Variants in RDH13 observed in about 807,000 individuals in gnomAD.
RDH13 encodes retinol dehydrogenase 13, also known as retinol dehydrogenase 13 (all-trans and 9-cis).
A neutral mutation model predicts 28.3 loss-of-function variants in RDH13; 35 were observed. That is an observed-to-expected ratio of 1.24 (90% CI 0.95 to 1.64). The LOEUF (loss-of-function observed/expected upper bound fraction) is 1.64, where lower values mean the gene tolerates loss of function less well. RDH13 is among the 40% of genes most tolerant of loss of function. RDH13 has a pLI of 0.00. For missense variants in RDH13, 514 were observed against 446.3 expected, an observed-to-expected ratio of 1.15 and a Z score of -1.37; for synonymous variants, 229 against 198.5, an observed-to-expected ratio of 1.15 and a Z score of -1.29.
chr19:55,062,466 G>A (rs529958762), intron 1 of RDH13, among the ~76,000 whole-genome samples: 1 of 152,280 alleles, frequency 6.6e-6, no homozygotes, highest in South Asian at 2.1e-4. Context: ...CGGATCACCT[G>A]AGGGCAGGTG....
At chr19:55,060,205 C>T (rs969029692) in intron 1 of RDH13, among the ~76,000 whole-genome samples, 4 of 142,916 alleles carry the variant, frequency 2.8e-5, no homozygotes, top group African/African-American at 1.0e-4. Flanking sequence ...TCCTGCCTGA[C>T]CCTGGGAACT....
chr19:55,041,567 A>G (rs1041328071), downstream of RDH13: 4 of 152,238 alleles, frequency 2.6e-5, no homozygotes, highest in Non-Finnish European at 4.4e-5. Flanking sequence ...CTTCTCTCTT[A>G]TGGAGGCTCC....
At chr19:55,059,625 C>A (rs1342888627) in intron 1 of RDH13, among the ~76,000 whole-genome samples, 1 of 152,068 alleles carries the variant, frequency 6.6e-6, no homozygotes, top group Non-Finnish European at 1.5e-5. Context: ...GTCAGGAGTT[C>A]GAGTCCAGCC....
At chr19:55,052,056 G>A (rs1235134788) in intron 3 of RDH13, among the ~76,000 whole-genome samples, 1 of 138,576 alleles carries the variant, frequency 7.2e-6, no homozygotes, top group Non-Finnish European at 1.5e-5. Flanking sequence ...TCTGGGAACT[G>A]CCTCAACTTT....
intron 1 of RDH13, among the ~76,000 whole-genome samples, chr19:55,068,220 C>T (rs2075994533): frequency 6.6e-6 from 1 of 152,000 alleles, no homozygotes; most frequent in Non-Finnish European, 1.5e-5. Flanking sequence ...TCTTGAGAGA[C>T]CTCAGCAGTG....
chr19:55,058,930 T>C (rs144491427), intron 2 of RDH13, among the ~76,000 whole-genome samples: 1,546 of 152,340 alleles, frequency 0.01, 46 homozygotes, highest in African/African-American at 0.035. Flanking sequence ...CCGCCAGCTT[T>C]GGCCTCCCAA....
chr19:55,053,126 G>A (rs1278673816), intron 3 of RDH13, among the ~76,000 whole-genome samples: 2 of 148,768 alleles, frequency 1.3e-5, no homozygotes, highest in Admixed American at 1.3e-4. Context: ...CTTTGTCAGA[G>A]TGTCATCTCA....
chr19:55,055,554 A>G (rs1307654292), intron 3 of RDH13, among the ~76,000 whole-genome samples: 5 of 151,878 alleles, frequency 3.3e-5, no homozygotes, highest in Non-Finnish European at 5.9e-5. Flanking sequence ...TAAATGCTTA[A>G]TAAGGTCAGG....
At chr19:55,044,215 T>C (rs1207754940), downstream of RDH13, 1 of 152,250 alleles carries the variant, frequency 6.6e-6, no homozygotes, top group African/African-American at 2.4e-5. Flanking sequence ...GGTGATAAAC[T>C]GATGCCTTGT....
At chr19:55,064,069 ATCT>A (rs2147083824), upstream of RDH13, 1 of 152,314 alleles carries the variant, frequency 6.6e-6, no homozygotes, top group African/African-American at 2.4e-5. Context: ...ATGAACTGTC[ATCT>A]TCTTATATGA....
rs887723699 is a variant in RDH13 at position 55,063,142 on chromosome 19, G to A, written c.-110C>T. 30 of 1,081,912 alleles carry A rather than the reference G, an allele frequency of 2.8e-5. No individual in the cohort carries two copies. Among genetic ancestry groups the A allele is most frequent in the Non-Finnish European group, 3.5e-5 (29 of 832,426 alleles). The allele number at this position is 1,081,912 out of a possible 1,614,324, so 67.0% of individuals were successfully genotyped here. A position where few individuals can be genotyped will look rare whatever the true frequency, so the allele number is the denominator to read the frequency against. On this transcript the variant is annotated 5_prime_UTR_variant, in exon 1 of 7. Coordinates refer to ENST00000415061, the MANE Select transcript of RDH13 (RefSeq NM_001145971.2). ...CGCGCGACGCAGCCACAGGCGAGCGGAGGCGCAGGCGCGGCTGGGCCCGCG... is the reference window on the plus strand; with the variant it reads ...CGCGCGACGCAGCCACAGGCGAGCGAAGGCGCAGGCGCGGCTGGGCCCGCG...
intron 5 of RDH13, 188 bp downstream of exon 5, chr19:55,048,141 C>T (rs1203075989): frequency 6.5e-7 from 1 of 1,533,474 alleles, no homozygotes; most frequent in African/African-American, 1.4e-5. Flanking sequence ...ACAGACAATC[C>T]TCAGAAGAAC....
At chr19:55,047,141 G>A in intron 6 of RDH13, 1 of 1,400,904 alleles carries the variant, frequency 7.1e-7, no homozygotes, top group South Asian at 1.6e-5. Flanking sequence ...CAGCTCCACG[G>A]CCTCTTCCTC....
At chr19:55,055,834 CAG>C (rs2075613767) in intron 3 of RDH13, among the ~76,000 whole-genome samples, 1 of 151,948 alleles carries the variant, frequency 6.6e-6, no homozygotes, top group African/African-American at 2.4e-5. Context: ...GCCTGGGTGA[CAG>C]AGATGGATCC....
At chr19:55,066,208 C>T (rs559025578), upstream of RDH13, among the ~76,000 whole-genome samples, 1 of 152,324 alleles carries the variant, frequency 6.6e-6, no homozygotes, top group South Asian at 2.1e-4. Context: ...TCTGTTTGGA[C>T]TCCAGGTGGG....
chr19:55,063,799 T>G (rs2075886754), upstream of RDH13: 1 of 152,924 alleles, frequency 6.5e-6, no homozygotes, highest in African/African-American at 2.4e-5. Context: ...CACAGAGATA[T>G]CTTCCCTGAA....
At chr19:55,056,967 CTG>C (rs1236357273) in intron 2 of RDH13, among the ~76,000 whole-genome samples, 159 bp from the exon 3 acceptor site, 1 of 152,192 alleles carries the variant, frequency 6.6e-6, no homozygotes, top group African/African-American at 2.4e-5. Flanking sequence ...AAATGCCCAT[CTG>C]TGGATGAAGG....
intron 6 of RDH13, 64 bp downstream of exon 6, chr19:55,047,323 C>T: frequency 6.4e-7 from 1 of 1,573,314 alleles, no homozygotes; most frequent in Non-Finnish European, 8.6e-7. Flanking sequence ...GGTCCTGGGC[C>T]CTGGGCTGAG....
rs779254228 is a variant in RDH13, at chr19:55,059,277, T to A, written c.66-2A>T. 1.3e-6 allele frequency: 2 copies of A among 1,586,260 alleles called. No individual in the cohort carries two copies. Among genetic ancestry groups the A allele is most frequent in the South Asian group, 2.3e-5 (2 of 87,224 alleles). Reference sequence around the variant, plus strand: ...CAAGCCCCACCGGTGACATAGTCCCTGAGGGTGAGAAGCGGCACGGTCAGT... The same window carrying A: ...CAAGCCCCACCGGTGACATAGTCCCAGAGGGTGAGAAGCGGCACGGTCAGT... On this transcript the variant is annotated splice_acceptor_variant, in intron 1 of 6. Transcript: ENST00000415061. LOFTEE classifies it high-confidence loss of function.
Sources: allele counts gnomAD v4.1 joint callset (sites outside exome capture counted in the v4.1 genomes callset), GRCh38; gene constraint gnomAD v4.1.1; transcripts MANE v1.5; gene names NCBI Gene and HGNC (gene_info 2026-07-23, HGNC 2026-07-21).